The following COL22A1 variants were observed in gnomAD, a reference collection of about 807,000 sequenced individuals.
COL22A1 encodes the protein collagen type XXII alpha 1 chain, also known as collagen alpha-1(XXII) chain.
In COL22A1, 221 loss-of-function variants were observed where a neutral mutation model predicts 248.9. The ratio of observed to expected loss-of-function variants is 0.89; its 90% CI spans 0.80 to 0.99. The LOEUF is 0.99. Among genes scored for constraint, COL22A1 ranks in the 50% least tolerant of loss-of-function variants. The probability of loss-of-function intolerance (pLI) is 0.00; values close to 1 mark genes in which losing one functional copy is unlikely to be tolerated. For missense variants in COL22A1, 2,240 were observed against 2,179.0 expected, an observed-to-expected ratio of 1.03 and a Z score of -0.56; for synonymous variants, 891 against 793.4, an observed-to-expected ratio of 1.12 and a Z score of -2.07.
intron 48 of COL22A1, among the ~76,000 whole-genome samples, chr8:138,636,500 G>GGAAAA: frequency 6.9e-6 from 1 of 144,738 alleles, no homozygotes; most frequent in Non-Finnish European, 1.5e-5. Context: ...GGAAAGGAAA[G>GGAAAA]GAAAGGAAAG....
intron 1 of COL22A1, among the ~76,000 whole-genome samples, chr8:138,898,785 C>T (rs1214398154): frequency 6.6e-6 from 1 of 152,168 alleles, no homozygotes; most frequent in East Asian, 1.9e-4. Flanking sequence ...ACCTCCCCTT[C>T]TCCACTCCTG....
chr8:138,755,684 G>A, intron 19 of COL22A1, 101 bp downstream of exon 19: 1 of 1,405,748 alleles, frequency 7.1e-7, no homozygotes, highest in Non-Finnish European at 1.0e-6. Flanking sequence ...TCCAACCCAT[G>A]TCCTTGGAAG....
chr8:138,674,893 C>G (rs1452121918), intron 41 of COL22A1, among the ~76,000 whole-genome samples: 1 of 151,912 alleles, frequency 6.6e-6, no homozygotes, highest in Admixed American at 6.6e-5. Context: ...TGTGTTCTCT[C>G]GCTGCACTTA....
In COL22A1 at chr8:138,594,012, CT is replaced by C. The variant is rs753349571; in HGVS notation, c.4615+4del. The C allele has an allele frequency of 1.9e-6, 3 of 1,545,756 alleles. No homozygotes were observed. Among genetic ancestry groups the C allele is most frequent in the Non-Finnish European group, 2.6e-6 (3 of 1,154,160 alleles). ...GGAGCATATCTCCTCCAGGTCTTCA[CT>C]CACCTTTGGGACCTATGGGTCCAGA... On this transcript the variant is annotated splice_donor_region_variant and intron_variant, in intron 63 of 64. Coordinates refer to ENST00000303045, the MANE Select transcript of COL22A1 (RefSeq NM_152888.3).
intron 1 of COL22A1, among the ~76,000 whole-genome samples, chr8:138,893,074 A>G (rs1281127727): frequency 6.6e-6 from 1 of 152,172 alleles, no homozygotes; most frequent in Non-Finnish European, 1.5e-5. Context: ...CAGAGAGGGG[A>G]AGATAGAACC....
chr8:138,676,454 A>AAAGAAAGAAAGGAAGGAAGGAAGGAAGG (rs71582022), intron 41 of COL22A1, 104 bp downstream of exon 41: 3 of 415,912 alleles, frequency 7.2e-6, no homozygotes, highest in African/African-American at 6.9e-5. Context: ...AGAAAGAAAG[A>AAAGAAAGAAAGGAAGGAAGGAAGGAAGG]AAGGAAGAAA....
At chr8:138,882,355 C>A (rs955029107) in intron 2 of COL22A1, among the ~76,000 whole-genome samples, 2 of 151,658 alleles carry the variant, frequency 1.3e-5, no homozygotes, top group Non-Finnish European at 2.9e-5. Context: ...CCCACACACT[C>A]CCTTAAACTC....
At chr8:138,665,750 G>C (rs930397614) in intron 41 of COL22A1, among the ~76,000 whole-genome samples, 1 of 152,140 alleles carries the variant, frequency 6.6e-6, no homozygotes, top group South Asian at 2.1e-4. Flanking sequence ...GGAGGATGGG[G>C]TGGTCAGATA....
At chr8:138,733,548 T>C (rs1371103956) in intron 23 of COL22A1, among the ~76,000 whole-genome samples, 3 of 152,224 alleles carry the variant, frequency 2.0e-5, no homozygotes, top group Admixed American at 6.5e-5. Context: ...CTAAAGAGAA[T>C]GCTTGGCAAC....
chr8:138,769,459 C>A (rs1037503492), intron 16 of COL22A1, among the ~76,000 whole-genome samples: 1 of 152,152 alleles, frequency 6.6e-6, no homozygotes, highest in Non-Finnish European at 1.5e-5. Flanking sequence ...GAGCTGAGAG[C>A]CACCCTGGCT....
intron 3 of COL22A1, among the ~76,000 whole-genome samples, chr8:138,861,300 C>T (rs549021722): frequency 6.6e-6 from 1 of 152,334 alleles, no homozygotes; most frequent in South Asian, 2.1e-4. Context: ...TCTGGCTTTC[C>T]CCATAGCTAC....
chr8:138,901,096 G>T (rs907706298), intron 1 of COL22A1, among the ~76,000 whole-genome samples: 9 of 147,854 alleles, frequency 6.1e-5, no homozygotes, highest in Non-Finnish European at 6.0e-5. Context: ...CCTGTGGAAA[G>T]AATAAAAGCA....
intron 22 of COL22A1, among the ~76,000 whole-genome samples, chr8:138,741,111 C>T (rs1243451137): frequency 6.6e-6 from 1 of 152,206 alleles, no homozygotes; most frequent in Non-Finnish European, 1.5e-5. Flanking sequence ...CCCCAAATAC[C>T]CACTTAGGAC....
In COL22A1 at chr8:138,824,496, G is replaced by A. The variant is rs998165080; in HGVS notation, c.969+2162C>T. On this transcript the variant is annotated intron_variant, in intron 6 of 64. Coordinates refer to ENST00000303045, the MANE Select transcript of COL22A1 (RefSeq NM_152888.3). The stretch of plus-strand genomic sequence containing the variant: ...AATTTGTCCTCCTATTTCTGGGCCT[G>A]TGCAACTCCACAGAGTCTCTTCTCA... Among the ~76,000 whole-genome samples the A allele has an allele frequency of 5.9e-5, 9 of 152,286 alleles. No homozygotes were observed. The East Asian group carries it at 9.7e-4, about 16-fold the overall frequency.
At chr8:138,774,721 A>G (rs2131487166) in intron 16 of COL22A1, among the ~76,000 whole-genome samples, 1 of 152,350 alleles carries the variant, frequency 6.6e-6, no homozygotes, top group Admixed American at 6.5e-5. Flanking sequence ...GCCCAGCAGC[A>G]TTCTTTTTAA....
At position 138,826,527 on chromosome 8, in the gene COL22A1, T is replaced by C. The variant is rs921809943; in HGVS notation, c.969+131A>G. 3.2e-6 allele frequency: 3 copies of C among 937,132 alleles called. No individual in the cohort carries two copies. In the African/African-American group the frequency reaches 5.0e-5, roughly 15 times the overall value. 58.1% of individuals were successfully genotyped at this position (937,132 alleles called of 1,614,324 possible). ...CCCCTGCAGGTCCTCTGAGCCTCCA[T>C]ACGCCAGGCTCTCTATCTCTCTAGG... On this transcript the variant is annotated intron_variant, in intron 6 of 64. Transcript: ENST00000303045.
At chr8:138,871,743 G>A (rs1489865203) in intron 3 of COL22A1, among the ~76,000 whole-genome samples, 1 of 152,220 alleles carries the variant, frequency 6.6e-6, no homozygotes, top group Non-Finnish European at 1.5e-5. Flanking sequence ...ATCCGCTGTT[G>A]TGAGATATTA....
chr8:138,626,309 C>T, intron 50 of COL22A1, 66 bp from the exon 51 acceptor site: 1 of 1,277,842 alleles, frequency 7.8e-7, no homozygotes, highest in Non-Finnish European at 1.1e-6. Flanking sequence ...TAAATGACTT[C>T]ACAAGGAACT....
At chr8:138,846,484 A>G (rs1006804729) in intron 3 of COL22A1, among the ~76,000 whole-genome samples, 2 of 152,186 alleles carry the variant, frequency 1.3e-5, no homozygotes, top group South Asian at 2.1e-4. Context: ...ATCTTTCTCA[A>G]AACAACCTGC....
Sources: gnomAD v4.1 joint callset for allele counts (sites outside exome capture counted in the v4.1 genomes callset) on GRCh38, gnomAD v4.1.1 for gene constraint, MANE v1.5 for transcripts, NCBI Gene and HGNC (gene_info 2026-07-23, HGNC 2026-07-21) for gene names.